KCNQ5: variants seen among roughly 807,000 people sequenced by gnomAD.
KCNQ5 encodes the protein potassium voltage-gated channel subfamily KQT member 5.
In KCNQ5, 30 loss-of-function variants were observed where a neutral mutation model predicts 98.2. That is an observed-to-expected ratio of 0.31 (90% CI 0.23 to 0.41). The LOEUF is 0.41. Ranked by LOEUF, KCNQ5 falls within the 10% of genes least tolerant of loss-of-function variation. The pLI is 1.00. For missense variants in KCNQ5, 835 were observed against 1,182.5 expected (o/e 0.71, Z 4.31); for synonymous variants, 458 against 449.4 (o/e 1.02, Z -0.24).
At chr6:72,702,312 G>A (rs1406229025) in intron 1 of KCNQ5, among the ~76,000 whole-genome samples, 2 of 152,162 alleles carry the variant, frequency 1.3e-5, no homozygotes, top group Admixed American at 1.3e-4. Context: ...GTGAAGGGCT[G>A]CTGAGATAAC....
intron 1 of KCNQ5, among the ~76,000 whole-genome samples, chr6:72,695,083 A>T (rs1455420315): frequency 6.6e-6 from 1 of 152,132 alleles, no homozygotes; most frequent in South Asian, 2.1e-4. Flanking sequence ...ATATATATAC[A>T]TATACCACAT....
intron 3 of KCNQ5, among the ~76,000 whole-genome samples, chr6:73,074,161 C>A (rs906821433): frequency 1.3e-5 from 2 of 151,930 alleles, no homozygotes; most frequent in Non-Finnish European, 1.5e-5. Context: ...CAATTGTGAA[C>A]AAAACAATGA....
At chr6:73,001,482 T>C (rs545892686) in intron 1 of KCNQ5, among the ~76,000 whole-genome samples, 1 of 152,314 alleles carries the variant, frequency 6.6e-6, no homozygotes, top group South Asian at 2.1e-4. Context: ...AGCAATAAGA[T>C]GTGTTTCGAG....
At chr6:72,694,615 A>G (rs568527103) in intron 1 of KCNQ5, among the ~76,000 whole-genome samples, 107 of 152,266 alleles carry the variant, frequency 7.0e-4, no homozygotes, top group African/African-American at 2.2e-3. Flanking sequence ...CACCCTGACT[A>G]CTTCATAGAA....
chr6:72,803,088 T>G (rs1412272286), intron 1 of KCNQ5, among the ~76,000 whole-genome samples: 1 of 152,140 alleles, frequency 6.6e-6, no homozygotes, highest in Non-Finnish European at 1.5e-5. Context: ...CTTACTTGTT[T>G]CTTGAGGCAA....
chr6:72,893,040 G>A (rs1007079744), intron 1 of KCNQ5, among the ~76,000 whole-genome samples: 11 of 152,154 alleles, frequency 7.2e-5, no homozygotes, highest in Non-Finnish European at 1.2e-4. Flanking sequence ...ATTCCATATT[G>A]TGTAAAATTT....
intron 5 of KCNQ5, among the ~76,000 whole-genome samples, chr6:73,089,899 T>C (rs1260055464): frequency 6.6e-6 from 1 of 152,206 alleles, no homozygotes; most frequent in African/African-American, 2.4e-5. Flanking sequence ...CTTCTTCATA[T>C]AATGACTTCT....
intron 1 of KCNQ5, among the ~76,000 whole-genome samples, chr6:72,759,152 T>C (rs868465898): frequency 3.3e-5 from 5 of 152,114 alleles, no homozygotes; most frequent in Admixed American, 6.6e-5. Flanking sequence ...CTGCACAACA[T>C]CCAGAGTTGG....
chr6:72,772,966 T>C (rs551426976), intron 1 of KCNQ5, among the ~76,000 whole-genome samples: 5 of 152,282 alleles, frequency 3.3e-5, no homozygotes, highest in South Asian at 2.1e-4. Context: ...AATTAAACTA[T>C]ATTGTTAAGG....
At chr6:73,157,981 T>G (rs539292912) in intron 10 of KCNQ5, 1 of 756,154 alleles carries the variant, frequency 1.3e-6, no homozygotes, top group Non-Finnish European at 2.5e-6. Flanking sequence ...TCATACCCCT[T>G]GAACGGCCGG....
chr6:73,020,430 G>A (rs767325090), intron 2 of KCNQ5, among the ~76,000 whole-genome samples: 1 of 151,692 alleles, frequency 6.6e-6, no homozygotes, highest in Non-Finnish European at 1.5e-5. Flanking sequence ...ATGTAGGAAG[G>A]GGTGCCAAGA....
intron 1 of KCNQ5, among the ~76,000 whole-genome samples, chr6:72,892,374 T>C (rs1779091097): frequency 6.6e-6 from 1 of 152,178 alleles, no homozygotes; most frequent in Admixed American, 6.5e-5. Context: ...GTGCCTCAAT[T>C]GGTCAGAGCC....
chr6:73,139,911 C>T (rs1159706146), intron 10 of KCNQ5, among the ~76,000 whole-genome samples: 1 of 152,060 alleles, frequency 6.6e-6, no homozygotes, highest in Non-Finnish European at 1.5e-5. Flanking sequence ...CCCAGTCTCA[C>T]CTAAAAATAG....
chr6:72,828,238 T>C (rs1185718414), intron 1 of KCNQ5, among the ~76,000 whole-genome samples: 1 of 151,974 alleles, frequency 6.6e-6, no homozygotes, highest in East Asian at 1.9e-4. Flanking sequence ...ATTCAAATTG[T>C]AAGTGTTTTT....
chr6:72,817,848 T>G (rs1346678674), intron 1 of KCNQ5, among the ~76,000 whole-genome samples: 1 of 152,038 alleles, frequency 6.6e-6, no homozygotes, highest in African/African-American at 2.4e-5. Flanking sequence ...GAGCCGTGAT[T>G]GCACCATTGC....
chr6:72,640,143 A>T (rs537893281), intron 1 of KCNQ5, among the ~76,000 whole-genome samples: 1 of 152,132 alleles, frequency 6.6e-6, no homozygotes, highest in Admixed American at 6.5e-5. Context: ...TAAAAAGCAG[A>T]TGGAGCCCTA....
At chr6:72,755,469 T>A in intron 1 of KCNQ5, among the ~76,000 whole-genome samples, 1 of 152,172 alleles carries the variant, frequency 6.6e-6, no homozygotes, top group East Asian at 1.9e-4. Context: ...ATGATTCCAT[T>A]TTTATCTACA....
intron 1 of KCNQ5, among the ~76,000 whole-genome samples, chr6:72,960,837 T>G (rs1417261341): frequency 2.0e-5 from 3 of 152,240 alleles, no homozygotes; most frequent in Non-Finnish European, 2.9e-5. Context: ...CCCTCTTGTC[T>G]TCTGAGTAGC....
intron 1 of KCNQ5, among the ~76,000 whole-genome samples, chr6:72,923,112 A>G (rs921523295): frequency 6.6e-6 from 1 of 152,074 alleles, no homozygotes; most frequent in Non-Finnish European, 1.5e-5. Context: ...GCGCCCAGCC[A>G]GGACACATTT....
Sources: allele counts gnomAD v4.1 joint callset (sites outside exome capture counted in the v4.1 genomes callset), GRCh38; gene constraint gnomAD v4.1.1; transcripts MANE v1.5; gene names NCBI Gene and HGNC (gene_info 2026-07-23, HGNC 2026-07-21).